The following CCDC171 variants were observed in gnomAD, a reference collection of about 807,000 sequenced individuals.
The protein encoded by CCDC171 is coiled-coil domain-containing protein 171.
CCDC171 carries 177 observed loss-of-function variants against 168.2 expected under a neutral mutation model. That is an observed-to-expected ratio of 1.05 (90% CI 0.93 to 1.19). The LOEUF (loss-of-function observed/expected upper bound fraction) is 1.19, where lower values mean the gene tolerates loss of function less well. Among genes scored for constraint, CCDC171 ranks in the 50% most tolerant of loss-of-function variants. The pLI, the probability that CCDC171 is intolerant of heterozygous loss-of-function variation, is 0.00. For missense variants in CCDC171, 1,991 were observed against 1,539.0 expected, an observed-to-expected ratio of 1.29 and a Z score of -4.91; for synonymous variants, 687 against 540.8, an observed-to-expected ratio of 1.27 and a Z score of -3.75.
At chr9:15,980,897 A>G (rs1361329425) in intron 3 of CCDC171, among the ~76,000 whole-genome samples, 2 of 151,910 alleles carry the variant, frequency 1.3e-5, no homozygotes, top group Non-Finnish European at 2.9e-5. Context: ...GTAATTTACA[A>G]AAGAAAGAGG....
intron 24 of CCDC171, among the ~76,000 whole-genome samples, chr9:15,880,829 T>G (rs1461134773): frequency 2.0e-5 from 3 of 152,018 alleles, no homozygotes; most frequent in African/African-American, 7.3e-5. Flanking sequence ...TTTAATTGGG[T>G]TGTGGAATCG....
At chr9:15,852,333 A>G (rs1290005767) in intron 23 of CCDC171, among the ~76,000 whole-genome samples, 1 of 151,930 alleles carries the variant, frequency 6.6e-6, no homozygotes. Flanking sequence ...ATGACTAACA[A>G]TGTTGAACAT....
chr9:15,596,085 T>G (rs1232727663), intron 6 of CCDC171, among the ~76,000 whole-genome samples: 3 of 152,190 alleles, frequency 2.0e-5, no homozygotes, highest in Non-Finnish European at 4.4e-5. Context: ...TTTCTCCCAT[T>G]CTGTAGGTTG....
chr9:15,865,633 A>G (rs935921590), intron 23 of CCDC171, among the ~76,000 whole-genome samples: 3 of 152,020 alleles, frequency 2.0e-5, no homozygotes, highest in Non-Finnish European at 4.4e-5. Context: ...TTTCTTAATA[A>G]CATTTTCTTT....
intron 6 of CCDC171, among the ~76,000 whole-genome samples, chr9:15,618,879 G>A (rs1301314335): frequency 6.6e-6 from 1 of 151,732 alleles, no homozygotes; most frequent in Non-Finnish European, 1.5e-5. Context: ...GTGTACCTCA[G>A]TTGGAAATGC....
rs775541436 is a variant in CCDC171 at position 15,744,537 on chromosome 9, C to T, written c.2314C>T (p.Leu772=). Reference sequence around the variant, plus strand: ...GTTGTTCAAACTGGAAATTAGAACTCTAGCCCAGGCTTTGTCAACTGTAGA... The same window carrying T: ...GTTGTTCAAACTGGAAATTAGAACTTTAGCCCAGGCTTTGTCAACTGTAGA... ...FELFKLEIRT[L]AQALSTVEEK... Residue 772 remains leucine, a synonymous_variant, in exon 17 of 26, where the codon CTA becomes TTA. Transcript: ENST00000380701. The T allele has an allele frequency of 1.2e-6, 2 of 1,614,168 alleles. No individual in the cohort carries two copies. Among genetic ancestry groups the T allele is most frequent in the South Asian group, 2.2e-5 (2 of 91,078 alleles).
At chr9:15,718,732 A>C (rs575875242) in intron 11 of CCDC171, among the ~76,000 whole-genome samples, 4 of 152,336 alleles carry the variant, frequency 2.6e-5, no homozygotes, top group African/African-American at 9.6e-5. Flanking sequence ...TGCCTCTGTG[A>C]GTCTGCAGGA....
At chr9:16,051,982 G>A (rs911913649) in intron 1 of CCDC171, among the ~76,000 whole-genome samples, 4 of 152,164 alleles carry the variant, frequency 2.6e-5, no homozygotes, top group Non-Finnish European at 5.9e-5. Context: ...ATCAGATCTC[G>A]TGAGACTTGT....
At chr9:15,787,812 A>C (rs571590470) in intron 21 of CCDC171, among the ~76,000 whole-genome samples, 1 of 152,162 alleles carries the variant, frequency 6.6e-6, no homozygotes, top group Non-Finnish European at 1.5e-5. Context: ...AGTTTGGTAG[A>C]TATGTCCTTG....
At chr9:16,098,180 A>G in the CCDC171 span, among the ~76,000 whole-genome samples, 1 of 152,214 alleles carries the variant, frequency 6.6e-6, no homozygotes, top group Non-Finnish European at 1.5e-5. Flanking sequence ...GCTAGCTAAC[A>G]TCGCTGAGCC....
chr9:15,619,789 G>A (rs2044366525), intron 6 of CCDC171, among the ~76,000 whole-genome samples: 1 of 152,186 alleles, frequency 6.6e-6, no homozygotes, highest in African/African-American at 2.4e-5. Flanking sequence ...GGAGAAGTCA[G>A]TGCCCAGCTT....
At chr9:16,069,425 G>T in the CCDC171 span, among the ~76,000 whole-genome samples, 1 of 152,258 alleles carries the variant, frequency 6.6e-6, no homozygotes, top group Non-Finnish European at 1.5e-5. Flanking sequence ...GCATGTGCGT[G>T]TGCACGTGTG....
chr9:15,941,130 G>A (rs759534410), intron 25 of CCDC171, among the ~76,000 whole-genome samples: 1 of 151,950 alleles, frequency 6.6e-6, no homozygotes, highest in Non-Finnish European at 1.5e-5. Flanking sequence ...CCAGCCGGCA[G>A]ACTATTGCAG....
At chr9:16,003,631 T>C (rs2132957218) in intron 3 of CCDC171, among the ~76,000 whole-genome samples, 1 of 152,328 alleles carries the variant, frequency 6.6e-6, no homozygotes. Context: ...ATATAAGAAC[T>C]AAATACTCTG....
chr9:15,953,065 C>T lies in CCDC171; in HGVS notation c.3754-18544C>T, dbSNP rs145673391. Reference sequence around the variant, plus strand: ...ACTTTGCTGAATTCATTTATTATTTCTTACAGTATTTTGTGTGGAATCTTT... The same window carrying T: ...ACTTTGCTGAATTCATTTATTATTTTTTACAGTATTTTGTGTGGAATCTTT... On this transcript the variant is annotated intron_variant, in intron 25 of 25. Transcript: ENST00000380701. Among the ~76,000 whole-genome samples, 785 of 152,132 alleles carry T rather than the reference C, an allele frequency of 5.2e-3. 4 individuals are homozygous for T. The highest frequency in any genetic ancestry group is 0.018 in the African/African-American group (740 of 41,534).
the CCDC171 span, among the ~76,000 whole-genome samples, chr9:16,078,474 A>G: frequency 6.6e-6 from 1 of 152,214 alleles, no homozygotes; most frequent in Non-Finnish European, 1.5e-5. Context: ...ACTTTTATGG[A>G]CATGGCTTGG....
chr9:15,853,412 A>ATTTTTGTATGTTTATC (rs1175583294), intron 23 of CCDC171, among the ~76,000 whole-genome samples: 1 of 151,458 alleles, frequency 6.6e-6, no homozygotes, highest in African/African-American at 2.4e-5. Context: ...AGTACAACTG[A>ATTTTTGTATGTTTATC]TTTTTGTATG....
intron 21 of CCDC171, among the ~76,000 whole-genome samples, chr9:15,822,692 C>T (rs1408382449): frequency 6.6e-6 from 1 of 152,108 alleles, no homozygotes; most frequent in African/African-American, 2.4e-5. Context: ...ACAGCAGGTG[C>T]TGGAGAGGAT....
chr9:16,020,211 T>C (rs959036833), intron 3 of CCDC171, among the ~76,000 whole-genome samples: 1 of 152,200 alleles, frequency 6.6e-6, no homozygotes, highest in Non-Finnish European at 1.5e-5. Context: ...ATTAAAAATA[T>C]TATACAAATT....
Sources: gnomAD v4.1 joint callset for allele counts (sites outside exome capture counted in the v4.1 genomes callset) on GRCh38, gnomAD v4.1.1 for gene constraint, MANE v1.5 for transcripts, NCBI Gene and HGNC (gene_info 2026-07-23, HGNC 2026-07-21) for gene names.